The following MED15 variants were observed in gnomAD, a reference collection of about 807,000 sequenced individuals.
MED15 encodes the protein mediator of RNA polymerase II transcription subunit 15.
Under a neutral mutation model 118.7 loss-of-function variants are expected in MED15, and 41 were observed. The ratio of observed to expected loss-of-function variants is 0.35; its 90% confidence interval spans 0.27 to 0.45. The LOEUF (loss-of-function observed/expected upper bound fraction) is 0.45. Ranked by LOEUF, MED15 falls within the 20% of genes least tolerant of loss-of-function variation. The pLI is 1.00. For synonymous variants in MED15, 436 were observed against 413.9 expected, an observed-to-expected ratio of 1.05 and a Z score of -0.65; for missense variants, 740 against 1,025.5, an observed-to-expected ratio of 0.72 and a Z score of 3.80.
At chr22:20,585,598 ACCT>A (rs2057110750) in intron 16 of MED15, 127 bp from the exon 17 acceptor site, 2 of 836,282 alleles carry the variant, frequency 2.4e-6, no homozygotes, top group Admixed American at 2.2e-5. Context: ...AGTCAGAGAG[ACCT>A]CCTCCAGGCT....
At chr22:20,508,902 G>C (rs2053968311) in intron 1 of MED15, among the ~76,000 whole-genome samples, 1 of 152,214 alleles carries the variant, frequency 6.6e-6, no homozygotes, top group Non-Finnish European at 1.5e-5. Context: ...CCCCTTTCCT[G>C]AGGGATGGTA....
At chr22:20,507,838 G>T (rs560627924) in intron 1 of MED15, 92 bp downstream of exon 1, 67 of 1,563,226 alleles carry the variant, frequency 4.3e-5, no homozygotes, top group Non-Finnish European at 5.2e-6. Context: ...AGAAACCTAC[G>T]GCGCCGGGAG....
At chr22:20,531,099 G>T (rs2054844694) in intron 1 of MED15, among the ~76,000 whole-genome samples, 1 of 152,216 alleles carries the variant, frequency 6.6e-6, no homozygotes, top group South Asian at 2.1e-4. Flanking sequence ...TGCCAGATGG[G>T]TTGAGGGCAG....
At chr22:20,525,832 G>A (rs114335926) in intron 1 of MED15, among the ~76,000 whole-genome samples, 4,450 of 151,912 alleles carry the variant, frequency 0.029, 225 homozygotes, top group African/African-American at 0.1. Context: ...CCCTGCACCC[G>A]GCCACGTGAC....
chr22:20,543,610 T>C (rs1473533701), intron 2 of MED15, among the ~76,000 whole-genome samples: 2 of 151,266 alleles, frequency 1.3e-5, no homozygotes, highest in Non-Finnish European at 2.9e-5. Flanking sequence ...CAGGCTGGAG[T>C]GCAGTAGCGC....
chr22:20,536,828 C>T (rs942536200), intron 1 of MED15, among the ~76,000 whole-genome samples: 27 of 152,212 alleles, frequency 1.8e-4, no homozygotes, highest in Admixed American at 2.0e-4. Context: ...TGAGCCATCC[C>T]TAGGGGCAAC....
chr22:20,507,818 C>T, intron 1 of MED15, 72 bp downstream of exon 1: 1 of 1,594,068 alleles, frequency 6.3e-7, no homozygotes, highest in Non-Finnish European at 8.6e-7. Context: ...AGGCCAGGGC[C>T]GGACCCGTGA....
chr22:20,515,796 A>C (rs893431854), intron 1 of MED15, among the ~76,000 whole-genome samples: 5 of 151,496 alleles, frequency 3.3e-5, no homozygotes, highest in African/African-American at 4.9e-5. Flanking sequence ...AAAAAAAAAA[A>C]TATATAGACC....
rs191014069 is a variant in MED15, at chr22:20,582,565, C to T, written c.1273-46C>T. On this transcript the variant is annotated intron_variant, in intron 9 of 17. Coordinates refer to ENST00000263205, the MANE Select transcript of MED15 (RefSeq NM_001003891.3). ...GGTGGGCAGGTGGTGTGGAGGCAGG[C>T]GGGCGGGCGTGTGGCAGCGCGCCGG... 2.0e-4 allele frequency: 312 copies of T among 1,535,074 alleles called. 1 individual carries two copies. In the East Asian group the frequency reaches 5.4e-3, roughly 27 times the overall value.
At chr22:20,551,202 G>A (rs946206954) in intron 2 of MED15, 12 of 667,610 alleles carry the variant, frequency 1.8e-5, no homozygotes, top group Middle Eastern at 2.4e-4. Flanking sequence ...AGGAGTGGCC[G>A]TTGGAGGCTC....
intron 1 of MED15, among the ~76,000 whole-genome samples, chr22:20,524,856 G>A (rs1042446864): frequency 1.3e-5 from 2 of 152,066 alleles, no homozygotes; most frequent in Non-Finnish European, 2.9e-5. Context: ...CTCGTGATCC[G>A]CCTGCCTTGG....
At chr22:20,509,591 G>A (rs1056927085) in intron 1 of MED15, among the ~76,000 whole-genome samples, 2 of 151,836 alleles carry the variant, frequency 1.3e-5, no homozygotes, top group Admixed American at 1.3e-4. Context: ...GGGGGGTGGG[G>A]TGTGGGGTGA....
intron 1 of MED15, among the ~76,000 whole-genome samples, chr22:20,512,845 G>A (rs1001118698): frequency 7.4e-5 from 11 of 148,650 alleles, no homozygotes; most frequent in East Asian, 4.0e-4. Context: ...GGGTTCAAGC[G>A]ATTCTCCTGC....
intron 11 of MED15, 42 bp from the exon 12 acceptor site, chr22:20,583,071 C>G: frequency 6.4e-7 from 1 of 1,556,660 alleles, no homozygotes; most frequent in South Asian, 1.2e-5. Flanking sequence ...GTTCCCCACC[C>G]GAGGGTCGAG....
At chr22:20,581,024 T>G (rs1367650836) in intron 9 of MED15, among the ~76,000 whole-genome samples, 1 of 152,100 alleles carries the variant, frequency 6.6e-6, no homozygotes, top group African/African-American at 2.4e-5. Flanking sequence ...GTCCATTCCA[T>G]CGGTTGATGT....
In MED15 at chr22:20,564,613, G is replaced by GCAGCAGCAGCAGCTC; in HGVS notation, c.629_643dup (p.Leu210_Gln214dup). On this transcript the variant is annotated inframe_insertion, in exon 6 of 18. Coordinates refer to ENST00000263205, the MANE Select transcript of MED15 (RefSeq NM_001003891.3). Reference sequence around the variant, plus strand: ...AGCAGCAGTTCCAAGCAGTAGTGCAGCAGCAGCAGCAGCTCCAGCAGCAGC... The same window carrying GCAGCAGCAGCAGCTC: ...AGCAGCAGTTCCAAGCAGTAGTGCAGCAGCAGCAGCAGCTCCAGCAGCAGCAGCTCCAGCAGCAGC... The GCAGCAGCAGCAGCTC allele has an allele frequency of 6.2e-7, 1 of 1,610,684 alleles. No homozygotes were observed. Among genetic ancestry groups the GCAGCAGCAGCAGCTC allele is most frequent in the Non-Finnish European group, 8.5e-7 (1 of 1,178,254 alleles).
chr22:20,523,328 T>C (rs570765124), intron 1 of MED15, among the ~76,000 whole-genome samples: 2 of 152,026 alleles, frequency 1.3e-5, no homozygotes, highest in East Asian at 3.9e-4. Context: ...TCCCACGGGC[T>C]TGAGATAAGC....
intron 1 of MED15, chr22:20,522,258 C>G (rs1250905362): frequency 6.6e-6 from 1 of 152,146 alleles, no homozygotes; most frequent in East Asian, 1.9e-4. Context: ...TTAGCATGTT[C>G]TGCTGAACAG....
intron 1 of MED15, among the ~76,000 whole-genome samples, chr22:20,525,174 C>A (rs1291412850): frequency 6.6e-6 from 1 of 151,908 alleles, no homozygotes; most frequent in African/African-American, 2.4e-5. Context: ...GCCTGTAGTC[C>A]CAGCTACTCG....
Sources: allele counts gnomAD v4.1 joint callset (sites outside exome capture counted in the v4.1 genomes callset), GRCh38; gene constraint gnomAD v4.1.1; transcripts MANE v1.5; gene names NCBI Gene and HGNC (gene_info 2026-07-23, HGNC 2026-07-21).